The following SGCZ variants were observed in gnomAD, a reference collection of about 807,000 sequenced individuals.
The protein encoded by SGCZ is zeta-sarcoglycan.
Under a neutral mutation model 41.3 loss-of-function variants are expected in SGCZ, and 40 were observed. The ratio of observed to expected loss-of-function variants is 0.97; its 90% CI spans 0.75 to 1.26. The LOEUF (loss-of-function observed/expected upper bound fraction) is 1.26. Among genes scored for constraint, SGCZ ranks in the 50% most tolerant of loss-of-function variants. The pLI is 0.00. For synonymous variants in SGCZ, 206 were observed against 137.5 expected, an observed-to-expected ratio of 1.50 and a Z score of -3.49; for missense variants, 552 against 369.8, an observed-to-expected ratio of 1.49 and a Z score of -4.04.
intron 3 of SGCZ, among the ~76,000 whole-genome samples, chr8:14,297,026 A>C (rs1032710269): frequency 6.6e-6 from 1 of 152,018 alleles, no homozygotes. Context: ...GGTTCAAACG[A>C]TTCTCCTGTC....
At chr8:15,067,252 C>G (rs1028565972) in intron 1 of SGCZ, among the ~76,000 whole-genome samples, 12 of 152,130 alleles carry the variant, frequency 7.9e-5, no homozygotes, top group Non-Finnish European at 1.8e-4. Context: ...GCACACTACA[C>G]CCACCCTGCA....
At chr8:15,105,530 C>T (rs182355583) in intron 1 of SGCZ, among the ~76,000 whole-genome samples, 1 of 151,812 alleles carries the variant, frequency 6.6e-6, no homozygotes, top group Non-Finnish European at 1.5e-5. Flanking sequence ...GAAGTGATAC[C>T]CACTTTTAAA....
chr8:14,756,779 G>T (rs571074319), intron 1 of SGCZ, among the ~76,000 whole-genome samples: 30 of 152,188 alleles, frequency 2.0e-4, no homozygotes, highest in African/African-American at 7.2e-4. Flanking sequence ...TAATACAATT[G>T]TACAAACATT....
intron 2 of SGCZ, among the ~76,000 whole-genome samples, chr8:14,429,836 G>C (rs1040628578): frequency 6.6e-6 from 1 of 151,808 alleles, no homozygotes; most frequent in African/African-American, 2.4e-5. Flanking sequence ...CAATCTTGCT[G>C]CATGTTACTG....
chr8:15,065,415 AATTATTATTATTATTATT>A (rs200765691), intron 1 of SGCZ, among the ~76,000 whole-genome samples: 45 of 137,470 alleles, frequency 3.3e-4, no homozygotes, highest in African/African-American at 9.7e-4. Flanking sequence ...ATGGTATTGT[AATTATTATTATTATTATT>A]ATTATTATTA....
At chr8:15,058,497 A>C (rs1804797163) in intron 1 of SGCZ, among the ~76,000 whole-genome samples, 1 of 152,188 alleles carries the variant, frequency 6.6e-6, no homozygotes, top group Non-Finnish European at 1.5e-5. Flanking sequence ...TAAATACTAT[A>C]ACAAATCTTA....
rs575686976 is a variant in SGCZ, at chr8:14,135,693, A to G, written c.548-27458T>C. Among the ~76,000 whole-genome samples, 3 of 152,334 alleles carry G rather than the reference A, an allele frequency of 2.0e-5. No individual in the cohort carries two copies. In the South Asian group the frequency reaches 6.2e-4, roughly 32 times the overall value. On this transcript the variant is annotated intron_variant, in intron 5 of 7. Coordinates refer to ENST00000382080, the MANE Select transcript of SGCZ (RefSeq NM_139167.4). ...TTCCAAAAAAAGTCTTCAAACACAG[A>G]TAGTTTTACTGGAGAATTCTACCAA... is the stretch of plus-strand genomic sequence containing the variant.
At chr8:14,740,114 A>C (rs1799156114) in intron 1 of SGCZ, among the ~76,000 whole-genome samples, 1 of 152,102 alleles carries the variant, frequency 6.6e-6, no homozygotes, top group Admixed American at 6.6e-5. Context: ...TGTAGCTATC[A>C]AGCATTATAT....
intron 1 of SGCZ, among the ~76,000 whole-genome samples, chr8:14,874,441 T>C (rs1408951068): frequency 1.3e-5 from 2 of 152,140 alleles, no homozygotes; most frequent in East Asian, 1.9e-4. Context: ...AATATGTTAC[T>C]AAATAAAAAT....
At chr8:14,260,151 G>A (rs1248462698) in intron 3 of SGCZ, among the ~76,000 whole-genome samples, 1 of 152,056 alleles carries the variant, frequency 6.6e-6, no homozygotes, top group Admixed American at 6.6e-5. Flanking sequence ...CCATCAGAGT[G>A]AACAGGCAAC....
chr8:14,546,283 C>T (rs79154312), intron 2 of SGCZ, among the ~76,000 whole-genome samples: 13,155 of 152,144 alleles, frequency 0.086, 734 homozygotes, highest in East Asian at 0.22. Context: ...CCATGATGTG[C>T]GTGCTGAGGA....
At chr8:14,388,272 G>C (rs1804642856) in intron 2 of SGCZ, among the ~76,000 whole-genome samples, 1 of 151,988 alleles carries the variant, frequency 6.6e-6, no homozygotes, top group Non-Finnish European at 1.5e-5. Context: ...AAATATCACA[G>C]TTGCAGCCAT....
rs551600952 is a variant in SGCZ at position 15,077,843 on chromosome 8, C to A, written c.39+159742G>T. ...ACAAGATAAAATGTACCATATTTCT[C>A]TTTAAAAACCTTTTGAGAGATGCAG... On this transcript the variant is annotated intron_variant, in intron 1 of 7. Transcript: ENST00000382080. Among the ~76,000 whole-genome samples the A allele has an allele frequency of 9.7e-4, 147 of 152,322 alleles. No individual in the cohort carries two copies. The Middle Eastern group carries it at 0.01, about 11-fold the overall frequency.
chr8:14,904,672 A>G (rs1025828381), intron 1 of SGCZ, among the ~76,000 whole-genome samples: 1 of 151,982 alleles, frequency 6.6e-6, no homozygotes, highest in Admixed American at 6.6e-5. Context: ...TCTCCTCAAT[A>G]AGATTCATAC....
chr8:14,453,370 A>C (rs1302398884), intron 2 of SGCZ, among the ~76,000 whole-genome samples: 1 of 152,176 alleles, frequency 6.6e-6, no homozygotes, highest in Non-Finnish European at 1.5e-5. Flanking sequence ...GAATATTTGC[A>C]ATTGAAATAA....
intron 2 of SGCZ, among the ~76,000 whole-genome samples, chr8:14,528,403 T>C (rs946474606): frequency 2.6e-5 from 4 of 152,024 alleles, no homozygotes; most frequent in African/African-American, 4.8e-5. Flanking sequence ...TTCACATCAC[T>C]CCAGATTACT....
chr8:14,803,716 T>C (rs1016686062), intron 1 of SGCZ, among the ~76,000 whole-genome samples: 1 of 151,534 alleles, frequency 6.6e-6, no homozygotes, highest in African/African-American at 2.4e-5. Flanking sequence ...TCAAACTGGG[T>C]GGAGCCCACC....
rs557947204 is a variant in SGCZ, at chr8:14,873,408, T to C, written c.40-318482A>G. Among the ~76,000 whole-genome samples the C allele has an allele frequency of 4.6e-5, 7 of 152,204 alleles. No individual in the cohort carries two copies. In the East Asian group the frequency reaches 5.8e-4, roughly 13 times the overall value. ...AATTATAGATTGCCTCTGGATAACT[T>C]TGGAGACTCTAGAGTCGTATAGTAC... is the stretch of plus-strand genomic sequence containing the variant. On this transcript the variant is annotated intron_variant, in intron 1 of 7. Coordinates refer to ENST00000382080, the MANE Select transcript of SGCZ (RefSeq NM_139167.4).
intron 1 of SGCZ, among the ~76,000 whole-genome samples, chr8:15,185,974 C>T (rs1375475026): frequency 2.0e-5 from 3 of 151,238 alleles, no homozygotes; most frequent in Non-Finnish European, 4.4e-5. Flanking sequence ...TCTGTAATCC[C>T]AGCACTTTGG....
Sources: gnomAD v4.1 joint callset for allele counts (sites outside exome capture counted in the v4.1 genomes callset) on GRCh38, gnomAD v4.1.1 for gene constraint, MANE v1.5 for transcripts, NCBI Gene and HGNC (gene_info 2026-07-23, HGNC 2026-07-21) for gene names.